Variants in ZNF33B observed in about 807,000 individuals in gnomAD.
ZNF33B encodes zinc finger protein 33B.
ZNF33B carries 29 observed loss-of-function variants against 45.8 expected under a neutral mutation model. The observed-to-expected ratio is 0.63, with a 90% CI of 0.47 to 0.86. The LOEUF (loss-of-function observed/expected upper bound fraction) is 0.86. Ranked by LOEUF, ZNF33B falls within the 40% of genes least tolerant of loss-of-function variation. The pLI is 0.00. For synonymous variants in ZNF33B, 305 were observed against 307.8 expected, an observed-to-expected ratio of 0.99 and a Z score of 0.10; for missense variants, 831 against 909.9, an observed-to-expected ratio of 0.91 and a Z score of 1.12.
At chr10:42,633,439 G>T (rs984234365) in intron 2 of ZNF33B, among the ~76,000 whole-genome samples, 1 of 152,092 alleles carries the variant, frequency 6.6e-6, no homozygotes, top group African/African-American at 2.4e-5. Flanking sequence ...AACAGCAAAG[G>T]ACAAAACAAC....
intron 4 of ZNF33B, among the ~76,000 whole-genome samples, chr10:42,628,777 G>A (rs564633671): frequency 6.7e-4 from 102 of 152,198 alleles, no homozygotes; most frequent in African/African-American, 2.4e-3. Flanking sequence ...ACACTCCCCC[G>A]CAGGAAGACT....
intron 4 of ZNF33B, among the ~76,000 whole-genome samples, chr10:42,617,836 T>TGGC (rs1029588719): frequency 1.1e-4 from 6 of 56,690 alleles, no homozygotes; most frequent in Admixed American, 2.2e-4. Flanking sequence ...TTGTGATAAT[T>TGGC]GGCTAATAGA....
chr10:42,622,967 C>A (rs1838655051), intron 4 of ZNF33B, among the ~76,000 whole-genome samples: 1 of 152,010 alleles, frequency 6.6e-6, no homozygotes, highest in Non-Finnish European at 1.5e-5. Context: ...GGATAAGCAA[C>A]AAAAGAAAGA....
chr10:42,608,541 G>GT (rs1270466969), intron 4 of ZNF33B, among the ~76,000 whole-genome samples: 1 of 150,850 alleles, frequency 6.6e-6, no homozygotes, highest in Non-Finnish European at 1.5e-5. Flanking sequence ...ACATTCCAAA[G>GT]TTAAAAAAAA....
chr10:42,638,424 G>T (rs888590570), intron 1 of ZNF33B, 50 bp downstream of exon 1: 8 of 351,530 alleles, frequency 2.3e-5, no homozygotes, highest in East Asian at 8.9e-5. Context: ...CCTGCTCCTG[G>T]AGTCGCGCGG....
chr10:42,600,612 T>G (rs1368618775), intron 4 of ZNF33B, among the ~76,000 whole-genome samples: 2 of 152,196 alleles, frequency 1.3e-5, no homozygotes, highest in African/African-American at 2.4e-5. Context: ...TTTATTTATC[T>G]TATCCAGAAA....
chr10:42,614,618 T>C (rs1445600242), intron 4 of ZNF33B, among the ~76,000 whole-genome samples: 1 of 152,158 alleles, frequency 6.6e-6, no homozygotes, highest in East Asian at 1.9e-4. Flanking sequence ...ATGTTTTAAA[T>C]AGACAAAGGA....
chr10:42,610,130 A>G (rs1402952385), intron 4 of ZNF33B, among the ~76,000 whole-genome samples: 2 of 152,258 alleles, frequency 1.3e-5, no homozygotes, highest in Non-Finnish European at 2.9e-5. Context: ...CTGCTCATGC[A>G]TATAGAGAAT....
chr10:42,607,537 T>A (rs1243951904), intron 4 of ZNF33B, among the ~76,000 whole-genome samples: 4 of 151,860 alleles, frequency 2.6e-5, no homozygotes, highest in Admixed American at 2.6e-4. Flanking sequence ...ATAAAAATAA[T>A]AAAATATATT....
chr10:42,585,608 T>C (rs1354352214), downstream of ZNF33B, among the ~76,000 whole-genome samples: 1 of 152,178 alleles, frequency 6.6e-6, no homozygotes, highest in Non-Finnish European at 1.5e-5. Flanking sequence ...TGAATAGTGT[T>C]CACATGTAAT....
chr10:42,616,498 T>C (rs1306445083), intron 4 of ZNF33B, among the ~76,000 whole-genome samples: 1 of 152,140 alleles, frequency 6.6e-6, no homozygotes, highest in Non-Finnish European at 1.5e-5. Flanking sequence ...CTTGTACAGA[T>C]AATCAAATCG....
At chr10:42,605,748 C>T (rs1837814690) in intron 4 of ZNF33B, among the ~76,000 whole-genome samples, 1 of 152,056 alleles carries the variant, frequency 6.6e-6, no homozygotes, top group South Asian at 2.1e-4. Context: ...ATGTATAAGT[C>T]AATGTTTATA....
intron 4 of ZNF33B, among the ~76,000 whole-genome samples, chr10:42,606,976 C>T (rs771492090): frequency 2.0e-5 from 3 of 152,080 alleles, no homozygotes; most frequent in Non-Finnish European, 4.4e-5. Context: ...ATCTGAAATG[C>T]TCCAACAAGC....
chr10:42,584,617 T>C (rs1343819363), downstream of ZNF33B, among the ~76,000 whole-genome samples: 1 of 151,786 alleles, frequency 6.6e-6, no homozygotes, highest in Non-Finnish European at 1.5e-5. Flanking sequence ...ACCTCCTGGG[T>C]TCAACTGATT....
At chr10:42,586,301 C>G (rs1836934850), downstream of ZNF33B, among the ~76,000 whole-genome samples, 1 of 151,980 alleles carries the variant, frequency 6.6e-6, no homozygotes, top group Admixed American at 6.5e-5. Context: ...CTACAGGTGC[C>G]TGCCACCACG....
chr10:42,591,188 G>A lies in ZNF33B; in HGVS notation c.*1425C>T, dbSNP rs114271772. The A allele has an allele frequency of 4.4e-3, 3,019 of 680,022 alleles. 84 individuals carry two copies. The African/African-American group carries it at 0.056, about 13-fold the overall frequency. The allele number at this position is 680,022 out of a possible 1,614,324, so 42.1% of individuals were successfully genotyped here. On this transcript the variant is annotated 3_prime_UTR_variant, in exon 5 of 5. Transcript: ENST00000359467. ...CCAGATCCCTGTCTGGGTACAATGAGCAATGAAATGACAGTCCAACAGCCC... is the reference window on the plus strand; with the variant it reads ...CCAGATCCCTGTCTGGGTACAATGAACAATGAAATGACAGTCCAACAGCCC...
At position 42,632,275 on chromosome 10, in the gene ZNF33B, A is replaced by G; in HGVS notation, c.154+20T>C. 4 of 1,588,702 alleles carry G rather than the reference A, an allele frequency of 2.5e-6. No homozygotes were observed. Among genetic ancestry groups the G allele is most frequent in the Non-Finnish European group, 3.4e-6 (4 of 1,170,748 alleles). Reference sequence around the variant, plus strand: ...AAATAAACGAATGCTATTTAGAATGATACAGTGAACAGACCTTACCCACTG... The same window carrying G: ...AAATAAACGAATGCTATTTAGAATGGTACAGTGAACAGACCTTACCCACTG... On this transcript the variant is annotated intron_variant, in intron 3 of 4. Transcript: ENST00000359467.
At chr10:42,612,988 G>C (rs1167118300) in intron 4 of ZNF33B, among the ~76,000 whole-genome samples, 1 of 152,110 alleles carries the variant, frequency 6.6e-6, no homozygotes, top group Non-Finnish European at 1.5e-5. Flanking sequence ...GGGTTAAGAA[G>C]AAGCCAGGAA....
At chr10:42,584,907 T>C (rs1389698840), downstream of ZNF33B, among the ~76,000 whole-genome samples, 1 of 152,122 alleles carries the variant, frequency 6.6e-6, no homozygotes, top group Non-Finnish European at 1.5e-5. Context: ...AGGAGAACCC[T>C]CCATGGCCTG....
Sources: allele counts gnomAD v4.1 joint callset (sites outside exome capture counted in the v4.1 genomes callset), GRCh38; gene constraint gnomAD v4.1.1; transcripts MANE v1.5; gene names NCBI Gene and HGNC (gene_info 2026-07-23, HGNC 2026-07-21).